CREB5: variants seen among roughly 807,000 people sequenced by gnomAD.
The protein encoded by CREB5 is cyclic AMP-responsive element-binding protein 5.
Under a neutral mutation model 57.1 loss-of-function variants are expected in CREB5, and 19 were observed. The ratio of observed to expected loss-of-function variants is 0.33; its 90% CI spans 0.23 to 0.49. CREB5 has a LOEUF of 0.49. CREB5 is among the 20% of genes least tolerant of loss of function. CREB5 has a pLI of 0.99. For synonymous variants in CREB5, 238 were observed against 238.3 expected (o/e 1.00, Z 0.01); for missense variants, 579 against 671.6 (o/e 0.86, Z 1.52).
chr7:28,753,569 A>T (rs1017171922), intron 7 of CREB5, among the ~76,000 whole-genome samples: 9 of 152,172 alleles, frequency 5.9e-5, no homozygotes, highest in African/African-American at 2.2e-4. Flanking sequence ...TTCCATAGGT[A>T]CCCTTTGGGG....
intron 5 of CREB5, among the ~76,000 whole-genome samples, chr7:28,649,430 T>C (rs1302819030): frequency 6.6e-6 from 1 of 152,236 alleles, no homozygotes; most frequent in African/African-American, 2.4e-5. Flanking sequence ...TTCATTGATG[T>C]ATTGTCTATG....
chr7:28,551,619 A>G (rs749882758), intron 4 of CREB5, among the ~76,000 whole-genome samples: 22 of 152,330 alleles, frequency 1.4e-4, no homozygotes, highest in Non-Finnish European at 2.6e-4. Context: ...GACAGTGTTT[A>G]CCTTCTATTT....
At chr7:28,381,122 C>T (rs1322957703) in intron 1 of CREB5, among the ~76,000 whole-genome samples, 2 of 152,122 alleles carry the variant, frequency 1.3e-5, no homozygotes, top group East Asian at 1.9e-4. Flanking sequence ...TTTACCCTCC[C>T]GAAACTCATC....
intron 5 of CREB5, among the ~76,000 whole-genome samples, chr7:28,636,679 C>A (rs1160042482): frequency 6.6e-6 from 1 of 152,134 alleles, no homozygotes; most frequent in Non-Finnish European, 1.5e-5. Context: ...TCAATCATAA[C>A]CTACAACTTG....
intron 4 of CREB5, among the ~76,000 whole-genome samples, chr7:28,555,009 G>C (rs1476404655): frequency 6.6e-6 from 1 of 152,144 alleles, no homozygotes; most frequent in Non-Finnish European, 1.5e-5. Context: ...CTGGCTCAGT[G>C]TTCCTCCCCT....
intron 9 of CREB5, among the ~76,000 whole-genome samples, chr7:28,817,273 C>A (rs533312644): frequency 6.6e-6 from 1 of 152,324 alleles, no homozygotes. Flanking sequence ...CTGCAGCTGA[C>A]CAACATGTGT....
At chr7:28,702,474 G>C (rs534833477) in intron 5 of CREB5, among the ~76,000 whole-genome samples, 1 of 152,198 alleles carries the variant, frequency 6.6e-6, no homozygotes, top group Non-Finnish European at 1.5e-5. Flanking sequence ...CAAGCACTCC[G>C]GTGCTCACTT....
intron 5 of CREB5, among the ~76,000 whole-genome samples, chr7:28,619,843 T>C (rs905649133): frequency 2.0e-5 from 3 of 152,172 alleles, no homozygotes; most frequent in African/African-American, 7.2e-5. Context: ...AACCTGGATG[T>C]TGGTCATGTG....
At chr7:28,643,018 A>ACACG (rs2128701883) in intron 5 of CREB5, among the ~76,000 whole-genome samples, 1 of 142,890 alleles carries the variant, frequency 7.0e-6, no homozygotes, top group South Asian at 2.2e-4. Context: ...ACACACACAC[A>ACACG]CACACACACA....
At chr7:28,653,411 A>G (rs1209188004) in intron 5 of CREB5, among the ~76,000 whole-genome samples, 2 of 152,142 alleles carry the variant, frequency 1.3e-5, no homozygotes, top group African/African-American at 2.4e-5. Context: ...GTAGTGTTTC[A>G]TTGAGCCTGA....
intron 7 of CREB5, among the ~76,000 whole-genome samples, chr7:28,727,055 T>G (rs1326555833): frequency 6.6e-6 from 1 of 151,668 alleles, no homozygotes; most frequent in African/African-American, 2.4e-5. Flanking sequence ...CCCAGTGCCT[T>G]TATCAAGTTC....
intron 1 of CREB5, among the ~76,000 whole-genome samples, chr7:28,350,050 C>A (rs1284673169): frequency 6.6e-6 from 1 of 152,166 alleles, no homozygotes; most frequent in Non-Finnish European, 1.5e-5. Context: ...AGGTTAGCAC[C>A]TTGAATTTAC....
intron 1 of CREB5, among the ~76,000 whole-genome samples, chr7:28,366,366 T>G (rs956837709): frequency 6.6e-6 from 1 of 152,190 alleles, no homozygotes; most frequent in African/African-American, 2.4e-5. Flanking sequence ...AAAACTGTAT[T>G]GTAAACATAG....
At chr7:28,730,723 T>C (rs1481804957) in intron 7 of CREB5, among the ~76,000 whole-genome samples, 2 of 152,172 alleles carry the variant, frequency 1.3e-5, no homozygotes, top group South Asian at 2.1e-4. Flanking sequence ...TGGGGCTTCA[T>C]AGCAACCCTG....
At chr7:28,350,657 A>G (rs557364943) in intron 1 of CREB5, among the ~76,000 whole-genome samples, 3 of 152,250 alleles carry the variant, frequency 2.0e-5, no homozygotes, top group Admixed American at 1.3e-4. Flanking sequence ...CATGAAATCT[A>G]TTAGATTTCA....
At chr7:28,452,390 C>A (rs1789864993) in intron 1 of CREB5, among the ~76,000 whole-genome samples, 2 of 152,028 alleles carry the variant, frequency 1.3e-5, no homozygotes, top group Admixed American at 1.3e-4. Flanking sequence ...CCACCCTAGA[C>A]ACATGATTAT....
At chr7:28,342,223 T>A (rs904006952) in intron 1 of CREB5, among the ~76,000 whole-genome samples, 2 of 152,176 alleles carry the variant, frequency 1.3e-5, no homozygotes, top group Non-Finnish European at 2.9e-5. Context: ...ATGCATTTAT[T>A]ATCACCATTC....
At chr7:28,606,228 A>G (rs1797126359) in intron 5 of CREB5, among the ~76,000 whole-genome samples, 1 of 152,200 alleles carries the variant, frequency 6.6e-6, no homozygotes, top group African/African-American at 2.4e-5. Context: ...TGTCTCACCA[A>G]GAAAGATTTT....
At chr7:28,704,922 A>G (rs1802032391) in intron 5 of CREB5, among the ~76,000 whole-genome samples, 1 of 152,238 alleles carries the variant, frequency 6.6e-6, no homozygotes, top group Admixed American at 6.5e-5. Flanking sequence ...TGGCTGAGTC[A>G]GTAGACACTC....
Sources: allele counts gnomAD v4.1 joint callset (sites outside exome capture counted in the v4.1 genomes callset), GRCh38; gene constraint gnomAD v4.1.1; transcripts MANE v1.5; gene names NCBI Gene and HGNC (gene_info 2026-07-23, HGNC 2026-07-21).